Variants in NUS1 observed in about 807,000 individuals in gnomAD.
NUS1 encodes the protein NUS1 dehydrodolichyl diphosphate synthase subunit.
For synonymous variants in NUS1, 135 were observed against 155.2 expected, an observed-to-expected ratio of 0.87 and a Z score of 0.97; for missense variants, 292 against 382.9, an observed-to-expected ratio of 0.76 and a Z score of 1.98.
At chr6:117,686,975 G>A (rs1050511346) in intron 1 of NUS1, among the ~76,000 whole-genome samples, 1 of 151,522 alleles carries the variant, frequency 6.6e-6, no homozygotes, top group African/African-American at 2.4e-5. Context: ...TCTGGGTGGG[G>A]GTCAAGTTAT....
chr6:117,699,699 A>G (rs892573767), intron 3 of NUS1, among the ~76,000 whole-genome samples: 6 of 152,226 alleles, frequency 3.9e-5, no homozygotes, highest in African/African-American at 1.4e-4. Flanking sequence ...AGCCAAAGCT[A>G]TTCTAAGCAA....
At chr6:117,702,496 A>G (rs1055053322) in intron 3 of NUS1, among the ~76,000 whole-genome samples, 2 of 152,122 alleles carry the variant, frequency 1.3e-5, no homozygotes, top group African/African-American at 4.8e-5. Context: ...TTTAAGAATA[A>G]TTGTCCGCCT....
Position 117,707,753 on chromosome 6 carries a change from A to G in NUS1, c.*738A>G, listed in dbSNP as rs1773521388. ...TTGCTCTGTATTCTGGGTTCTGAAG[A>G]TTATTTGAAAAATAACTCCTACTAC... On this transcript the variant is annotated 3_prime_UTR_variant, in exon 5 of 5. Coordinates refer to ENST00000368494, the MANE Select transcript of NUS1 (RefSeq NM_138459.5). The G allele has an allele frequency of 6.6e-6, 1 of 152,130 alleles. No homozygotes were observed. Among genetic ancestry groups the G allele is most frequent in the Non-Finnish European group, 1.5e-5 (1 of 67,962 alleles). 9.4% of individuals were successfully genotyped at this position (152,130 alleles called of 1,614,324 possible).
intron 1 of NUS1, among the ~76,000 whole-genome samples, chr6:117,687,337 G>A (rs1165620488): frequency 6.6e-6 from 1 of 152,164 alleles, no homozygotes; most frequent in African/African-American, 2.4e-5. Context: ...ACATTGAACT[G>A]CTATATGGAA....
chr6:117,703,766 C>A, intron 4 of NUS1, 62 bp downstream of exon 4: 14 of 1,108,018 alleles, frequency 1.3e-5, no homozygotes, highest in Non-Finnish European at 1.9e-5. Flanking sequence ...GAGTTCAGCA[C>A]TGTACTAGAT....
chr6:117,691,277 A>G (rs957379060), intron 1 of NUS1, among the ~76,000 whole-genome samples: 3 of 152,158 alleles, frequency 2.0e-5, no homozygotes, highest in African/African-American at 7.2e-5. Flanking sequence ...AATGAGATAA[A>G]AACTAGGACT....
At chr6:117,684,314 A>G (rs1432821210) in intron 1 of NUS1, among the ~76,000 whole-genome samples, 3 of 152,218 alleles carry the variant, frequency 2.0e-5, no homozygotes, top group Non-Finnish European at 4.4e-5. Flanking sequence ...CCATAATTCC[A>G]GACTTCTATA....
chr6:117,694,856 A>G (rs1204486129), intron 3 of NUS1, among the ~76,000 whole-genome samples: 1 of 152,088 alleles, frequency 6.6e-6, no homozygotes. Context: ...AGTTTTAGAC[A>G]TTCATTCATT....
intron 1 of NUS1, among the ~76,000 whole-genome samples, chr6:117,689,304 T>C (rs1320469218): frequency 6.6e-6 from 1 of 152,172 alleles, no homozygotes; most frequent in Non-Finnish European, 1.5e-5. Flanking sequence ...ATTTACCATT[T>C]TAATCTGGAG....
chr6:117,676,884 T>C (rs890489291), intron 1 of NUS1, among the ~76,000 whole-genome samples: 2 of 152,228 alleles, frequency 1.3e-5, no homozygotes, highest in South Asian at 4.1e-4. Flanking sequence ...GTGTGATAGG[T>C]ACTGCAAATG....
rs1479765485 is a variant in NUS1, at chr6:117,709,833, T to G, written c.*2818T>G. On this transcript the variant is annotated 3_prime_UTR_variant, in exon 5 of 5. Transcript: ENST00000368494. ...TCTTTTCATTGACTATAGTATTATGTGAATGCTACATTTGTTCTGAACACT... is the reference window on the plus strand; with the variant it reads ...TCTTTTCATTGACTATAGTATTATGGGAATGCTACATTTGTTCTGAACACT... The G allele has an allele frequency of 6.6e-6, 1 of 152,612 alleles. No homozygotes were observed. The highest frequency in any genetic ancestry group is 1.5e-5 in the Non-Finnish European group (1 of 67,998). 9.5% of individuals were successfully genotyped at this position (152,612 alleles called of 1,614,324 possible).
At chr6:117,702,704 T>C (rs1773428844) in intron 3 of NUS1, among the ~76,000 whole-genome samples, 1 of 152,166 alleles carries the variant, frequency 6.6e-6, no homozygotes, top group Non-Finnish European at 1.5e-5. Flanking sequence ...TCTACCAGTA[T>C]GGACTTTTAG....
intron 1 of NUS1, among the ~76,000 whole-genome samples, chr6:117,692,261 C>T (rs531251354): frequency 1.8e-4 from 27 of 152,180 alleles, no homozygotes; most frequent in African/African-American, 6.5e-4. Context: ...TCATGCCTGA[C>T]TGAGAGTGCA....
intron 1 of NUS1, among the ~76,000 whole-genome samples, chr6:117,676,298 G>A (rs922055939): frequency 5.3e-5 from 8 of 152,366 alleles, no homozygotes; most frequent in African/African-American, 1.9e-4. Context: ...ATATCCCTTG[G>A]CCGGGCGCGG....
intron 3 of NUS1, 41 bp downstream of exon 3, chr6:117,694,221 A>ATG: frequency 2.6e-6 from 3 of 1,173,516 alleles, no homozygotes; most frequent in African/African-American, 1.6e-5. Flanking sequence ...ATGTATATGT[A>ATG]TGTGTGTGTG....
chr6:117,696,582 AG>A (rs1296194916), intron 3 of NUS1, among the ~76,000 whole-genome samples: 1 of 152,196 alleles, frequency 6.6e-6, no homozygotes, highest in East Asian at 1.9e-4. Flanking sequence ...ACTTTTCAGT[AG>A]AAACCTTACA....
chr6:117,695,287 T>G (rs1773303506), intron 3 of NUS1, among the ~76,000 whole-genome samples: 1 of 152,106 alleles, frequency 6.6e-6, no homozygotes, highest in Admixed American at 6.5e-5. Context: ...TTCTTCCACT[T>G]TGACATGTGT....
chr6:117,703,544 G>A (rs1016777885), intron 3 of NUS1, 61 bp from the exon 4 acceptor site: 1 of 787,062 alleles, frequency 1.3e-6, no homozygotes. Flanking sequence ...GTGTGTTTCT[G>A]TGTGTGTGTG....
intron 2 of NUS1, among the ~76,000 whole-genome samples, 181 bp downstream of exon 2, chr6:117,693,348 A>G (rs956891961): frequency 1.3e-5 from 2 of 152,182 alleles, no homozygotes; most frequent in African/African-American, 2.4e-5. Flanking sequence ...TGAACACATG[A>G]TAAGGATTTT....
Sources: allele counts gnomAD v4.1 joint callset (sites outside exome capture counted in the v4.1 genomes callset), GRCh38; gene constraint gnomAD v4.1.1; transcripts MANE v1.5; gene names NCBI Gene and HGNC (gene_info 2026-07-23, HGNC 2026-07-21).